The following PRKN variants were observed in gnomAD, a reference collection of about 807,000 sequenced individuals.
PRKN encodes the protein E3 ubiquitin-protein ligase parkin.
PRKN carries 56 observed loss-of-function variants against 59.5 expected under a neutral mutation model. The ratio of observed to expected loss-of-function variants is 0.94; its 90% CI spans 0.76 to 1.18. The LOEUF is 1.18. Ranked by LOEUF, PRKN falls within the 50% of genes most tolerant of loss-of-function variation. PRKN has a pLI of 0.00. For missense variants in PRKN, 657 were observed against 596.4 expected, an observed-to-expected ratio of 1.10 and a Z score of -1.06; for synonymous variants, 250 against 222.1, an observed-to-expected ratio of 1.13 and a Z score of -1.12.
At chr6:162,193,967 T>G (rs1325422362) in intron 4 of PRKN, among the ~76,000 whole-genome samples, 1 of 152,054 alleles carries the variant, frequency 6.6e-6, no homozygotes, top group South Asian at 2.1e-4. Flanking sequence ...ATACAGAAGA[T>G]CCTAAAAGCT....
intron 1 of PRKN, among the ~76,000 whole-genome samples, chr6:162,586,633 C>T (rs1289167247): frequency 1.3e-5 from 2 of 152,076 alleles, no homozygotes; most frequent in African/African-American, 2.4e-5. Context: ...GGCTATAAGC[C>T]GGTTCGTAAT....
chr6:161,913,369 C>T (rs1191384835), intron 6 of PRKN, among the ~76,000 whole-genome samples: 8 of 152,066 alleles, frequency 5.3e-5, no homozygotes, highest in Admixed American at 2.0e-4. Flanking sequence ...TACAATAGGA[C>T]TCAAAACTTA....
At chr6:162,195,360 G>C (rs1330002597) in intron 4 of PRKN, among the ~76,000 whole-genome samples, 1 of 152,174 alleles carries the variant, frequency 6.6e-6, no homozygotes, top group African/African-American at 2.4e-5. Context: ...TCTATTCTAA[G>C]ACTTGAATTT....
intron 1 of PRKN, among the ~76,000 whole-genome samples, chr6:162,699,625 A>AGG (rs1778082855): frequency 6.6e-6 from 1 of 152,216 alleles, no homozygotes; most frequent in African/African-American, 2.4e-5. Context: ...TTTAAGAATA[A>AGG]AAGTGTCTCC....
At chr6:162,550,048 T>C (rs1779275777) in intron 1 of PRKN, among the ~76,000 whole-genome samples, 2 of 152,190 alleles carry the variant, frequency 1.3e-5, no homozygotes, top group Non-Finnish European at 2.9e-5. Context: ...GGTGGTAAAA[T>C]TTCAGTTGGT....
At chr6:161,613,577 T>C (rs57525764) in intron 7 of PRKN, among the ~76,000 whole-genome samples, 10,173 of 152,096 alleles carry the variant, frequency 0.067, 1,156 homozygotes, top group African/African-American at 0.23. Context: ...ACATCTTTCA[T>C]GAAAAAAGAG....
intron 6 of PRKN, among the ~76,000 whole-genome samples, chr6:161,951,921 A>G (rs1583396429): frequency 6.6e-6 from 1 of 151,818 alleles, no homozygotes; most frequent in Admixed American, 6.6e-5. Context: ...CCATCTTAAA[A>G]AAAAAAAAAA....
chr6:162,662,998 C>A (rs942144105), intron 1 of PRKN, among the ~76,000 whole-genome samples: 1 of 152,086 alleles, frequency 6.6e-6, no homozygotes. Context: ...AAGATGAAGG[C>A]AGGGGGAAGC....
chr6:162,074,708 T>G (rs982424281), intron 4 of PRKN, among the ~76,000 whole-genome samples: 3 of 152,170 alleles, frequency 2.0e-5, no homozygotes, highest in African/African-American at 7.2e-5. Context: ...AAAATGCAGC[T>G]CCGCTGGGTT....
chr6:161,727,881 A>G (rs1787511473), intron 7 of PRKN, among the ~76,000 whole-genome samples: 1 of 152,208 alleles, frequency 6.6e-6, no homozygotes, highest in Non-Finnish European at 1.5e-5. Context: ...TCTCTGAATA[A>G]CAAGATTAAT....
rs117292385 is a variant in PRKN, at chr6:161,739,278, T to G, written c.871+46494A>C. The stretch of plus-strand genomic sequence containing the variant: ...TAAAAATTCACCAGGTATGGTGGCG[T>G]ATGCATGTAATCCCAGCTACCAGGG... On this transcript the variant is annotated intron_variant, in intron 7 of 11. Transcript: ENST00000366898. 6.9e-4 allele frequency among the ~76,000 whole-genome samples: 105 copies of G among 152,114 alleles called. 1 individual carries two copies. In the East Asian group the frequency reaches 0.011, roughly 15 times the overall value.
chr6:161,633,448 A>C (rs1173780257), intron 7 of PRKN, among the ~76,000 whole-genome samples: 1 of 152,240 alleles, frequency 6.6e-6, no homozygotes, highest in Non-Finnish European at 1.5e-5. Context: ...GCATTCAGTT[A>C]ACAGCTTAAT....
chr6:161,349,961 G>A lies in PRKN; in HGVS notation c.*138C>T. The A allele has an allele frequency of 1.4e-6, 1 of 692,842 alleles. No individual in the cohort carries two copies. The highest frequency in any genetic ancestry group is 1.5e-5 in the South Asian group (1 of 66,324). 42.9% of individuals were successfully genotyped at this position (692,842 alleles called of 1,614,324 possible). A position where few individuals can be genotyped will look rare whatever the true frequency, so the allele number is the denominator to read the frequency against. Reference sequence around the variant, plus strand: ...TTTCTTCTGCAATTTGGCTGTAGTTGGACTTTGAAAAAAACTTGAAGAGTG... The same window carrying A: ...TTTCTTCTGCAATTTGGCTGTAGTTAGACTTTGAAAAAAACTTGAAGAGTG... On this transcript the variant is annotated 3_prime_UTR_variant, in exon 12 of 12. Coordinates refer to ENST00000366898, the MANE Select transcript of PRKN (RefSeq NM_004562.3). The surrounding 1 kb of genome is among the most constrained non-coding windows in gnomAD (Gnocchi z 5.5).
intron 4 of PRKN, among the ~76,000 whole-genome samples, chr6:162,177,990 C>T (rs1783620108): frequency 6.6e-6 from 1 of 152,134 alleles, no homozygotes; most frequent in Non-Finnish European, 1.5e-5. Context: ...CTCTGAAACA[C>T]CATTAACCAC....
intron 1 of PRKN, among the ~76,000 whole-genome samples, chr6:162,527,218 A>T (rs904123483): frequency 3.9e-5 from 6 of 152,158 alleles, no homozygotes; most frequent in Non-Finnish European, 8.8e-5. Context: ...TCTGATCTGA[A>T]ACCGGGATAA....
intron 2 of PRKN, among the ~76,000 whole-genome samples, chr6:162,414,511 T>C (rs770672430): frequency 6.6e-6 from 1 of 151,370 alleles, no homozygotes; most frequent in African/African-American, 2.4e-5. Context: ...ATCAAGACCA[T>C]CCTGGCTAAC....
At chr6:162,291,442 A>G (rs1346235721) in intron 2 of PRKN, among the ~76,000 whole-genome samples, 1 of 152,046 alleles carries the variant, frequency 6.6e-6, no homozygotes, top group East Asian at 1.9e-4. Flanking sequence ...GAATCATGCC[A>G]CTTTCCAGCC....
chr6:162,340,141 AT>A (rs61474036), intron 2 of PRKN, among the ~76,000 whole-genome samples: 24,776 of 122,082 alleles, frequency 0.2, 2,359 homozygotes, highest in African/African-American at 0.38. Context: ...CAATAAAAAA[AT>A]AAATTAAAAA....
intron 1 of PRKN, among the ~76,000 whole-genome samples, chr6:162,533,935 C>T (rs149206464): frequency 1.4e-5 from 2 of 144,324 alleles, no homozygotes; most frequent in Non-Finnish European, 3.0e-5. Flanking sequence ...TGCACCAATG[C>T]ACTCTGGACT....
Sources: allele counts gnomAD v4.1 joint callset (sites outside exome capture counted in the v4.1 genomes callset), GRCh38; gene constraint gnomAD v4.1.1; non-coding constraint Gnocchi (gnomAD v3.1); transcripts MANE v1.5; gene names NCBI Gene and HGNC (gene_info 2026-07-23, HGNC 2026-07-21).